NEDD4: variants seen among roughly 807,000 people sequenced by gnomAD.
The protein encoded by NEDD4 is NEDD4 E3 ubiquitin protein ligase.
Under a neutral mutation model 144.9 loss-of-function variants are expected in NEDD4, and 99 were observed. The observed-to-expected ratio is 0.68, with a 90% CI of 0.58 to 0.81. The LOEUF (loss-of-function observed/expected upper bound fraction) is 0.81. Among genes scored for constraint, NEDD4 ranks in the 30% least tolerant of loss-of-function variants. The pLI is 0.00. For missense variants in NEDD4, 985 were observed against 1,065.9 expected (o/e 0.92, Z 1.06); for synonymous variants, 318 against 350.6 (o/e 0.91, Z 1.04).
rs4145115 is a variant in NEDD4 at position 55,827,361 on chromosome 15, G to C, written c.*2536C>G. On this transcript the variant is annotated 3_prime_UTR_variant, in exon 29 of 29. Coordinates refer to ENST00000435532, the MANE Select transcript of NEDD4 (RefSeq NM_006154.4). ...GGATAAGGGGCTGTGTTGCTTGATA[G>C]ATGTTTCTTCCAGACCACGAGCCCC... The C allele has an allele frequency of 0.96, 145,931 of 152,264 alleles. 70,210 individuals carry two copies. Among genetic ancestry groups the C allele is most frequent in the East Asian group, 1 (5,178 of 5,178 alleles). 9.4% of individuals were successfully genotyped at this position (152,264 alleles called of 1,614,324 possible). A position where few individuals can be genotyped will look rare whatever the true frequency, so the allele number is the denominator to read the frequency against.
chr15:55,912,616 G>C (rs1325889319), intron 5 of NEDD4, among the ~76,000 whole-genome samples: 6 of 151,912 alleles, frequency 3.9e-5, no homozygotes, highest in African/African-American at 1.5e-4. Flanking sequence ...ACAACAGATG[G>C]GGGAAACAAA....
At chr15:55,914,062 CT>C (rs2036355858) in intron 5 of NEDD4, among the ~76,000 whole-genome samples, 1 of 151,674 alleles carries the variant, frequency 6.6e-6, no homozygotes, top group Admixed American at 6.6e-5. Context: ...GAAATCTGAT[CT>C]TTTTTTATCC....
intron 4 of NEDD4, among the ~76,000 whole-genome samples, chr15:55,931,978 C>A (rs536104481): frequency 5.3e-5 from 8 of 152,184 alleles, no homozygotes; most frequent in Admixed American, 3.3e-4. Context: ...CTATTCTGGA[C>A]ATTTCATGTA....
chr15:55,917,139 C>G (rs2036475302), intron 5 of NEDD4: 2 of 1,111,622 alleles, frequency 1.8e-6, no homozygotes, highest in East Asian at 5.1e-5. Flanking sequence ...AGCACACTGA[C>G]TCAAACACAG....
chr15:55,928,683 A>G (rs2036722716), intron 4 of NEDD4, among the ~76,000 whole-genome samples: 1 of 152,104 alleles, frequency 6.6e-6, no homozygotes, highest in East Asian at 1.9e-4. Flanking sequence ...TCAAATGCCA[A>G]CCTCTCCCTA....
intron 2 of NEDD4, among the ~76,000 whole-genome samples, chr15:55,960,450 G>A (rs555653714): frequency 6.6e-6 from 1 of 152,302 alleles, no homozygotes; most frequent in South Asian, 2.1e-4. Flanking sequence ...CAGACTCCAA[G>A]TTCTTCAGCT....
intron 8 of NEDD4, among the ~76,000 whole-genome samples, chr15:55,863,777 C>G (rs1351072346): frequency 3.3e-5 from 5 of 152,096 alleles, no homozygotes; most frequent in African/African-American, 1.2e-4. Context: ...AGAGAAAGCA[C>G]CTTGCTTACG....
At chr15:55,839,992 A>AT (rs2033403116) in intron 21 of NEDD4, among the ~76,000 whole-genome samples, 2 of 58,182 alleles carry the variant, frequency 3.4e-5, no homozygotes, top group Non-Finnish European at 6.1e-5. Flanking sequence ...AAAAAAAAAA[A>AT]AAAAAAAATA....
intron 1 of NEDD4, among the ~76,000 whole-genome samples, chr15:55,973,071 G>A (rs1337331976): frequency 6.6e-6 from 1 of 151,394 alleles, no homozygotes; most frequent in African/African-American, 2.4e-5. Flanking sequence ...GCACTGGATA[G>A]ATCATTCAGA....
chr15:55,970,921 T>G (rs1185001033), intron 1 of NEDD4, among the ~76,000 whole-genome samples: 1 of 152,128 alleles, frequency 6.6e-6, no homozygotes, highest in Admixed American at 6.6e-5. Flanking sequence ...CAGGACAACA[T>G]GATCTCACCA....
intron 1 of NEDD4, among the ~76,000 whole-genome samples, chr15:55,978,507 C>T (rs537864529): frequency 3.9e-5 from 6 of 152,148 alleles, no homozygotes; most frequent in Non-Finnish European, 8.8e-5. Flanking sequence ...AATGCTGCAA[C>T]TATAGAAAAA....
At chr15:55,853,150 TA>T (rs1424012755) in intron 12 of NEDD4, among the ~76,000 whole-genome samples, 1 of 152,164 alleles carries the variant, frequency 6.6e-6, no homozygotes, top group Admixed American at 6.5e-5. Flanking sequence ...TATTTTGAAC[TA>T]AAACCATGTA....
chr15:55,954,610 C>T (rs1415620213), intron 2 of NEDD4, among the ~76,000 whole-genome samples: 12 of 152,042 alleles, frequency 7.9e-5, no homozygotes, highest in African/African-American at 2.7e-4. Context: ...CCGCAACCTC[C>T]GCCTCCCAGG....
At position 55,827,770 on chromosome 15, in the gene NEDD4, T is replaced by C. The variant is rs534792615; in HGVS notation, c.*2127A>G. ...TATCAGAAATGTTCCTACTTCCTTG[T>C]CTCTTAGAAGTCACTTTACTTTTAA... On this transcript the variant is annotated 3_prime_UTR_variant, in exon 29 of 29. Transcript: ENST00000435532. 1 of 145,912 alleles carries C rather than the reference T, an allele frequency of 6.9e-6. No individual in the cohort carries two copies. Among genetic ancestry groups the C allele is most frequent in the African/African-American group, 2.5e-5 (1 of 40,660 alleles). 9.0% of individuals were successfully genotyped at this position (145,912 alleles called of 1,614,324 possible). A position where few individuals can be genotyped will look rare whatever the true frequency, so the allele number is the denominator to read the frequency against.
intron 5 of NEDD4, among the ~76,000 whole-genome samples, chr15:55,897,098 C>T (rs1379593264): frequency 2.6e-5 from 4 of 152,192 alleles, no homozygotes; most frequent in Admixed American, 1.3e-4. Context: ...CTCAGCCTCC[C>T]GAGTAGCTGG....
At chr15:55,975,600 C>G (rs1252767071) in intron 1 of NEDD4, among the ~76,000 whole-genome samples, 9 of 150,920 alleles carry the variant, frequency 6.0e-5, no homozygotes, top group African/African-American at 2.2e-4. Flanking sequence ...ACAATGAAAA[C>G]TATAGATGAA....
intron 5 of NEDD4, among the ~76,000 whole-genome samples, chr15:55,883,872 A>C (rs1487085376): frequency 2.2e-5 from 3 of 135,930 alleles, no homozygotes; most frequent in African/African-American, 8.0e-5. Flanking sequence ...AGACCACCAA[A>C]GTGGCACTTC....
At chr15:55,845,076 T>C (rs2033683997) in intron 18 of NEDD4, among the ~76,000 whole-genome samples, 1 of 152,224 alleles carries the variant, frequency 6.6e-6, no homozygotes, top group Non-Finnish European at 1.5e-5. Context: ...ATTTTTAAAG[T>C]ACTGCTTGGG....
chr15:55,990,252 G>A (rs1442340666), intron 1 of NEDD4, among the ~76,000 whole-genome samples: 4 of 151,972 alleles, frequency 2.6e-5, no homozygotes, highest in Admixed American at 1.3e-4. Flanking sequence ...CCACTGGACC[G>A]CATCCCCGGT....
Sources: gnomAD v4.1 joint callset for allele counts (sites outside exome capture counted in the v4.1 genomes callset) on GRCh38, gnomAD v4.1.1 for gene constraint, MANE v1.5 for transcripts, NCBI Gene and HGNC (gene_info 2026-07-23, HGNC 2026-07-21) for gene names.